RASGRF2: variants seen among roughly 807,000 people sequenced by gnomAD.
RASGRF2 encodes the protein ras-specific guanine nucleotide-releasing factor 2.
RASGRF2 carries 76 observed loss-of-function variants against 151.0 expected under a neutral mutation model. The observed-to-expected ratio is 0.50, with a 90% CI of 0.42 to 0.61. The LOEUF (loss-of-function observed/expected upper bound fraction) is 0.61. RASGRF2 is among the 20% of genes least tolerant of loss of function. The probability of loss-of-function intolerance (pLI) is 0.00; values close to 1 mark genes in which losing one functional copy is unlikely to be tolerated. For synonymous variants in RASGRF2, 504 were observed against 566.5 expected (o/e 0.89, Z 1.57); for missense variants, 1,148 against 1,564.6 (o/e 0.73, Z 4.49).
chr5:81,198,586 A>C (rs768360079), intron 18 of RASGRF2, among the ~76,000 whole-genome samples: 16 of 152,014 alleles, frequency 1.1e-4, no homozygotes, highest in Middle Eastern at 3.2e-3. Context: ...ATTACAGGTG[A>C]CTGCCACCAT....
intron 18 of RASGRF2, among the ~76,000 whole-genome samples, chr5:81,192,764 C>T (rs1013245473): frequency 6.6e-5 from 10 of 152,228 alleles, no homozygotes; most frequent in African/African-American, 9.6e-5. Context: ...TACCCCAGAC[C>T]TGTCAAGGCT....
rs563582947 is a variant in RASGRF2, at chr5:80,994,320, T to C, written c.288+33294T>C. On this transcript the variant is annotated intron_variant, in intron 1 of 26. Transcript: ENST00000265080. ...GGCCGAGCTTGCAGTGAGCCGAGAT[T>C]GCACCACTGCACTCCAGCCTGGGCG... 5.0e-4 allele frequency among the ~76,000 whole-genome samples: 73 copies of C among 145,568 alleles called. 1 individual carries two copies. In the South Asian group the frequency reaches 0.015, roughly 30 times the overall value.
rs544382028 is a variant in RASGRF2 at position 81,031,744 on chromosome 5, A to G, written c.289-11133A>G. On this transcript the variant is annotated intron_variant, in intron 1 of 26. Transcript: ENST00000265080. Reference sequence around the variant, plus strand: ...CTAACATCACAATTAAAAGAACTAGAGAAGCAAGAGCAAACACATTGAAAA... The same window carrying G: ...CTAACATCACAATTAAAAGAACTAGGGAAGCAAGAGCAAACACATTGAAAA... Among the ~76,000 whole-genome samples, 4 of 152,354 alleles carry G rather than the reference A, an allele frequency of 2.6e-5. No individual in the cohort carries two copies. In the South Asian group the frequency reaches 6.2e-4, roughly 24 times the overall value.
At chr5:81,162,626 G>A (rs767221129) in intron 17 of RASGRF2, among the ~76,000 whole-genome samples, 22 of 152,184 alleles carry the variant, frequency 1.4e-4, no homozygotes, top group Non-Finnish European at 2.9e-4. Flanking sequence ...GATTACAGGC[G>A]TGAGCCAGCA....
At chr5:81,041,304 A>G (rs1393247455) in intron 1 of RASGRF2, among the ~76,000 whole-genome samples, 1 of 126,340 alleles carries the variant, frequency 7.9e-6, no homozygotes, top group Non-Finnish European at 1.6e-5. Flanking sequence ...TCCGTCTCAA[A>G]AAAAAAAAAA....
rs56205345 is a variant in RASGRF2 at position 81,038,567 on chromosome 5, C to CTTTTTTTTTT, written c.289-4296_289-4287dup. Among the ~76,000 whole-genome samples the CTTTTTTTTTT allele has an allele frequency of 6.8e-4, 57 of 83,906 alleles. 1 individual carries two copies. Among genetic ancestry groups the CTTTTTTTTTT allele is most frequent in the Non-Finnish European group, 8.3e-4 (37 of 44,414 alleles). 55.0% of individuals were successfully genotyped at this position (83,906 alleles called of 152,430 possible). ...AAAAATATTGATTTGTAAATATTTG[C>CTTTTTTTTTT]TTTTTTTTTTTTTTTTTTTTTTTGT... On this transcript the variant is annotated intron_variant, in intron 1 of 26. Coordinates refer to ENST00000265080, the MANE Select transcript of RASGRF2 (RefSeq NM_006909.3).
At chr5:80,981,833 C>T (rs911371145) in intron 1 of RASGRF2, among the ~76,000 whole-genome samples, 3 of 152,060 alleles carry the variant, frequency 2.0e-5, no homozygotes, top group African/African-American at 7.2e-5. Flanking sequence ...CCAAAGTATT[C>T]TTTAGGAGGT....
intron 25 of RASGRF2, among the ~76,000 whole-genome samples, chr5:81,218,005 G>A (rs939645546): frequency 2.0e-5 from 3 of 152,178 alleles, no homozygotes; most frequent in African/African-American, 7.2e-5. Context: ...GACTCCCAAA[G>A]TGCTAGGATT....
At chr5:81,170,145 C>T (rs1754625967) in intron 17 of RASGRF2, among the ~76,000 whole-genome samples, 1 of 152,186 alleles carries the variant, frequency 6.6e-6, no homozygotes, top group Non-Finnish European at 1.5e-5. Flanking sequence ...CCTGCATCAC[C>T]TGCACCACCT....
At chr5:81,098,121 G>A (rs1752598509) in intron 12 of RASGRF2, among the ~76,000 whole-genome samples, 1 of 152,168 alleles carries the variant, frequency 6.6e-6, no homozygotes, top group Non-Finnish European at 1.5e-5. Context: ...GGTAGAACCA[G>A]CAGAGTTTGA....
intron 2 of RASGRF2, among the ~76,000 whole-genome samples, chr5:81,066,981 G>A (rs538138258): frequency 1.8e-4 from 28 of 152,304 alleles, no homozygotes; most frequent in Admixed American, 1.0e-3. Context: ...TATGTCCAGC[G>A]TGCACTTTCT....
intron 17 of RASGRF2, among the ~76,000 whole-genome samples, chr5:81,131,690 A>G (rs555949708): frequency 2.0e-4 from 30 of 151,984 alleles, no homozygotes; most frequent in Admixed American, 5.9e-4. Flanking sequence ...GAAAAGAAAA[A>G]AAAAAAAAAG....
chr5:81,004,402 T>G (rs6883275), intron 1 of RASGRF2, among the ~76,000 whole-genome samples: 313 of 152,326 alleles, frequency 2.1e-3, no homozygotes, highest in African/African-American at 7.3e-3. Flanking sequence ...GACCTACTGA[T>G]CACAGAGTGG....
chr5:81,038,274 G>A (rs774735631), intron 1 of RASGRF2, among the ~76,000 whole-genome samples: 4 of 152,112 alleles, frequency 2.6e-5, no homozygotes, highest in Non-Finnish European at 4.4e-5. Flanking sequence ...GCTTTGCCAG[G>A]TTTTGTCAAA....
At chr5:81,156,720 A>G (rs929385140) in intron 17 of RASGRF2, among the ~76,000 whole-genome samples, 8 of 152,234 alleles carry the variant, frequency 5.3e-5, no homozygotes, top group Non-Finnish European at 8.8e-5. Flanking sequence ...GTTAACATAC[A>G]TAGTGGTGAA....
intron 1 of RASGRF2, among the ~76,000 whole-genome samples, chr5:81,041,670 C>G (rs1750682948): frequency 6.6e-6 from 1 of 152,156 alleles, no homozygotes; most frequent in African/African-American, 2.4e-5. Flanking sequence ...ATGATTATCT[C>G]TGTTGTGGAA....
At chr5:81,142,498 A>G (rs1434053238) in intron 17 of RASGRF2, among the ~76,000 whole-genome samples, 2 of 152,204 alleles carry the variant, frequency 1.3e-5, no homozygotes, top group Non-Finnish European at 2.9e-5. Flanking sequence ...TCTAAGGTCA[A>G]AATGTTGGCT....
chr5:81,031,231 A>G (rs1291124781), intron 1 of RASGRF2, among the ~76,000 whole-genome samples: 4 of 152,140 alleles, frequency 2.6e-5, no homozygotes, highest in Admixed American at 6.6e-5. Flanking sequence ...GTCAACATTA[A>G]ACAGATCAAC....
chr5:81,001,583 T>C (rs1356320876), intron 1 of RASGRF2, among the ~76,000 whole-genome samples: 28 of 152,194 alleles, frequency 1.8e-4, no homozygotes, highest in Non-Finnish European at 1.5e-5. Flanking sequence ...ATTTTGAGCA[T>C]GGACCCTATT....
Sources: gnomAD v4.1 joint callset for allele counts (sites outside exome capture counted in the v4.1 genomes callset) on GRCh38, gnomAD v4.1.1 for gene constraint, MANE v1.5 for transcripts, NCBI Gene and HGNC (gene_info 2026-07-23, HGNC 2026-07-21) for gene names.